STK39: variants seen among roughly 807,000 people sequenced by gnomAD.
STK39 encodes the protein STE20/SPS1-related proline-alanine-rich protein kinase.
A neutral mutation model predicts 77.8 loss-of-function variants in STK39; 20 were observed. The ratio of observed to expected loss-of-function variants is 0.26; its 90% CI spans 0.18 to 0.37. The LOEUF is 0.37. Among genes scored for constraint, STK39 ranks in the 10% least tolerant of loss-of-function variants. STK39 has a pLI of 1.00. For synonymous variants in STK39, 246 were observed against 234.1 expected, an observed-to-expected ratio of 1.05 and a Z score of -0.47; for missense variants, 479 against 656.5, an observed-to-expected ratio of 0.73 and a Z score of 2.95.
At chr2:167,980,730 C>T (rs1683393706) in intron 16 of STK39, among the ~76,000 whole-genome samples, 1 of 147,766 alleles carries the variant, frequency 6.8e-6, no homozygotes, top group Admixed American at 6.8e-5. Flanking sequence ...AGGACATCTA[C>T]TTTACCTTCA....
At chr2:168,095,987 C>G (rs115687912) in intron 10 of STK39, among the ~76,000 whole-genome samples, 1,547 of 152,188 alleles carry the variant, frequency 0.01, 21 homozygotes, top group African/African-American at 0.034. Flanking sequence ...ATAACTGAAG[C>G]AGAAACCTTA....
intron 1 of STK39, among the ~76,000 whole-genome samples, chr2:168,213,768 G>A (rs962907164): frequency 1.3e-5 from 2 of 151,612 alleles, no homozygotes; most frequent in Admixed American, 6.6e-5. Context: ...ACCTTGGGGG[G>A]AATGTTTATA....
intron 16 of STK39, 118 bp downstream of exon 16, chr2:168,012,515 TC>T: frequency 6.4e-6 from 5 of 783,278 alleles, no homozygotes; most frequent in Non-Finnish European, 1.0e-5. Context: ...AGATAAGAAT[TC>T]AAGAAGAATT....
intron 16 of STK39, among the ~76,000 whole-genome samples, chr2:167,976,834 C>G (rs1466319269): frequency 6.6e-6 from 1 of 152,194 alleles, no homozygotes; most frequent in Admixed American, 6.5e-5. Flanking sequence ...CATAATAACT[C>G]CTTCTCCTGT....
In STK39 at chr2:168,236,307, T is replaced by C. The variant is rs545092360; in HGVS notation, c.208+10921A>G. ...GCCCACTTTTTGATGGGGTTGTTTT[T>C]TTCTTGTAAATTTGTTGGAGTTCAT... On this transcript the variant is annotated intron_variant, in intron 1 of 17. Transcript: ENST00000355999. Among the ~76,000 whole-genome samples, 262 of 152,348 alleles carry C rather than the reference T, an allele frequency of 1.7e-3. 1 individual carries two copies. Among genetic ancestry groups the C allele is most frequent in the African/African-American group, 5.7e-3 (236 of 41,584 alleles).
chr2:168,170,559 G>A (rs904346552), intron 2 of STK39, among the ~76,000 whole-genome samples: 4 of 152,166 alleles, frequency 2.6e-5, no homozygotes, highest in East Asian at 1.9e-4. Context: ...GCTGCAGTGC[G>A]GCCTGAGAAT....
intron 1 of STK39, among the ~76,000 whole-genome samples, chr2:168,213,673 A>G (rs1426621065): frequency 6.8e-6 from 1 of 148,016 alleles, no homozygotes; most frequent in Non-Finnish European, 1.5e-5. Flanking sequence ...CCTGGGTGAC[A>G]AAAGCCAGCC....
rs17780028 is a variant in STK39, at chr2:168,027,168, C to T, written c.1377-10073G>A. On this transcript the variant is annotated intron_variant, in intron 14 of 17. Coordinates refer to ENST00000355999, the MANE Select transcript of STK39 (RefSeq NM_013233.3). ...TGGCTCTAAAGGTTGAGAACCACTG[C>T]TGAACCTATCAGCACTGTGGCCCAC... Among the ~76,000 whole-genome samples the T allele has an allele frequency of 4.2e-3, 638 of 152,232 alleles. 2 individuals are homozygous for T. The highest frequency in any genetic ancestry group is 6.7e-3 in the Admixed American group (103 of 15,290).
chr2:167,972,712 C>A (rs903013323), intron 16 of STK39, among the ~76,000 whole-genome samples: 1 of 152,134 alleles, frequency 6.6e-6, no homozygotes, highest in Non-Finnish European at 1.5e-5. Flanking sequence ...AGTTGAAAGT[C>A]AGCTTAATAA....
chr2:167,987,698 C>T (rs766439733), intron 16 of STK39, among the ~76,000 whole-genome samples: 4 of 152,086 alleles, frequency 2.6e-5, no homozygotes, highest in Non-Finnish European at 5.9e-5. Flanking sequence ...TACTAAGCCA[C>T]CCAAGGAATA....
chr2:168,006,219 C>T (rs1046382360), intron 16 of STK39, among the ~76,000 whole-genome samples: 1 of 152,202 alleles, frequency 6.6e-6, no homozygotes, highest in African/African-American at 2.4e-5. Flanking sequence ...AAACCCTGGC[C>T]TCTGTATTGA....
At chr2:168,018,645 A>G (rs7574351) in intron 14 of STK39, among the ~76,000 whole-genome samples, 20,102 of 151,886 alleles carry the variant, frequency 0.13, 2,896 homozygotes, top group African/African-American at 0.35. Context: ...GCCTCTGAAA[A>G]TGTCTAAGAC....
intron 5 of STK39, among the ~76,000 whole-genome samples, chr2:168,155,227 G>A (rs1397333609): frequency 1.3e-5 from 2 of 152,128 alleles, no homozygotes; most frequent in Non-Finnish European, 2.9e-5. Context: ...TCCTTAAGCT[G>A]TTGCTCAAAC....
At chr2:168,231,271 T>G (rs1690447905) in intron 1 of STK39, among the ~76,000 whole-genome samples, 1 of 152,144 alleles carries the variant, frequency 6.6e-6, no homozygotes, top group Non-Finnish European at 1.5e-5. Context: ...CTTTAGAAAA[T>G]TAGTCTCATT....
intron 13 of STK39, among the ~76,000 whole-genome samples, chr2:168,064,366 T>A (rs1685741514): frequency 6.6e-6 from 1 of 152,230 alleles, no homozygotes; most frequent in Non-Finnish European, 1.5e-5. Context: ...CTACAGTTTA[T>A]CTCAAGGTCT....
chr2:168,231,542 CAT>C (rs1690455740), intron 1 of STK39, among the ~76,000 whole-genome samples: 1 of 151,814 alleles, frequency 6.6e-6, no homozygotes, highest in Non-Finnish European at 1.5e-5. Context: ...GCTGCAAGAA[CAT>C]GTTTTTCACT....
At chr2:168,046,035 C>T (rs904388408) in intron 14 of STK39, among the ~76,000 whole-genome samples, 4 of 152,104 alleles carry the variant, frequency 2.6e-5, no homozygotes, top group African/African-American at 7.2e-5. Context: ...GCAGACATAT[C>T]GATCAACCCT....
chr2:168,128,754 ATTT>A (rs1183406877), intron 10 of STK39, among the ~76,000 whole-genome samples: 1 of 152,220 alleles, frequency 6.6e-6, no homozygotes, highest in Non-Finnish European at 1.5e-5. Flanking sequence ...TTTCTTTGCC[ATTT>A]TTATTTACAG....
intron 10 of STK39, among the ~76,000 whole-genome samples, chr2:168,081,559 C>T (rs1220808469): frequency 6.6e-6 from 1 of 152,104 alleles, no homozygotes; most frequent in African/African-American, 2.4e-5. Flanking sequence ...AGATGTTGGA[C>T]TGTGGACTTT....
Sources: allele counts gnomAD v4.1 joint callset (sites outside exome capture counted in the v4.1 genomes callset), GRCh38; gene constraint gnomAD v4.1.1; transcripts MANE v1.5; gene names NCBI Gene and HGNC (gene_info 2026-07-23, HGNC 2026-07-21).